The following RSPO2 variants were observed in gnomAD, a reference collection of about 807,000 sequenced individuals.
RSPO2 encodes the protein R-spondin 2.
RSPO2 carries 14 observed loss-of-function variants against 30.9 expected under a neutral mutation model. The ratio of observed to expected loss-of-function variants is 0.45; its 90% CI spans 0.30 to 0.71. RSPO2 has a LOEUF of 0.71. Ranked by LOEUF, RSPO2 falls within the 30% of genes least tolerant of loss-of-function variation. RSPO2 has a pLI of 0.08. For synonymous variants in RSPO2, 107 were observed against 96.4 expected, an observed-to-expected ratio of 1.11 and a Z score of -0.64; for missense variants, 264 against 301.9, an observed-to-expected ratio of 0.87 and a Z score of 0.93.
At chr8:108,027,688 G>A (rs1283174227) in intron 2 of RSPO2, among the ~76,000 whole-genome samples, 1 of 152,020 alleles carries the variant, frequency 6.6e-6, no homozygotes, top group African/African-American at 2.4e-5. Flanking sequence ...CTTTTTCAGA[G>A]CCTGATGGGA....
intron 2 of RSPO2, among the ~76,000 whole-genome samples, chr8:108,008,224 A>C (rs553884541): frequency 3.3e-5 from 5 of 152,326 alleles, no homozygotes; most frequent in South Asian, 2.1e-4. Context: ...TCCCTCTAGA[A>C]AAATTTTAAT....
chr8:108,031,288 A>AGAGATTAGT (rs1402356951), intron 2 of RSPO2, among the ~76,000 whole-genome samples: 1 of 152,240 alleles, frequency 6.6e-6, no homozygotes, highest in African/African-American at 2.4e-5. Flanking sequence ...GATCACCATT[A>AGAGATTAGT]CACGGTGCAG....
intron 2 of RSPO2, among the ~76,000 whole-genome samples, chr8:108,047,168 G>A (rs1161949117): frequency 6.6e-6 from 1 of 152,132 alleles, no homozygotes; most frequent in Non-Finnish European, 1.5e-5. Context: ...TCACCTTCCT[G>A]CTCTTCATTA....
intron 5 of RSPO2, among the ~76,000 whole-genome samples, chr8:107,937,596 T>C (rs1812760403): frequency 7.1e-6 from 1 of 141,686 alleles, no homozygotes; most frequent in African/African-American, 2.5e-5. Context: ...TTTGCTATTA[T>C]ACCTTCCATC....
intron 3 of RSPO2, among the ~76,000 whole-genome samples, chr8:107,985,360 TA>T (rs1442182595): frequency 2.0e-5 from 3 of 152,186 alleles, no homozygotes; most frequent in African/African-American, 7.2e-5. Context: ...TATATAAGGA[TA>T]TTTTTCATAG....
rs184203952 is a variant in RSPO2 at position 107,972,073 on chromosome 8, A to G, written c.284-11256T>C. Among the ~76,000 whole-genome samples the G allele has an allele frequency of 2.7e-3, 406 of 152,292 alleles. 2 individuals are homozygous for G. Among genetic ancestry groups the G allele is most frequent in the African/African-American group, 9.0e-3 (373 of 41,564 alleles). On this transcript the variant is annotated intron_variant, in intron 3 of 5. Transcript: ENST00000276659. ...TTAGATCTCAGCATGGGGGCCTGAC[A>G]TGACAGATGATGATAGATGTATCTG...
intron 5 of RSPO2, among the ~76,000 whole-genome samples, chr8:107,932,046 C>A (rs1443963465): frequency 6.6e-6 from 1 of 152,036 alleles, no homozygotes; most frequent in Non-Finnish European, 1.5e-5. Flanking sequence ...TGCTTAAGAT[C>A]TTGGCAACAT....
intron 5 of RSPO2, among the ~76,000 whole-genome samples, chr8:107,920,011 G>A (rs1812102058): frequency 6.6e-6 from 1 of 152,066 alleles, no homozygotes; most frequent in Admixed American, 6.6e-5. Context: ...GTGAAATAAA[G>A]TCTATTAGCT....
rs1024403778 is a variant in RSPO2, at chr8:108,042,883, G to A, written c.94+39662C>T. Among the ~76,000 whole-genome samples, 5 of 152,044 alleles carry A rather than the reference G, an allele frequency of 3.3e-5. No individual in the cohort carries two copies. In the East Asian group the frequency reaches 9.7e-4, roughly 29 times the overall value. On this transcript the variant is annotated intron_variant, in intron 2 of 5. Transcript: ENST00000276659. ...TCCTTCCTTCACATGATAGCTGTAA[G>A]AGCTTCTCACCTCACATCTTTGCTC...
At chr8:107,909,521 T>C (rs1365643795) in intron 5 of RSPO2, among the ~76,000 whole-genome samples, 1 of 152,086 alleles carries the variant, frequency 6.6e-6, no homozygotes, top group African/African-American at 2.4e-5. Context: ...GGGATTACAG[T>C]ACAGGCATGA....
rs553809771 is a variant in RSPO2, at chr8:108,018,369, A to G, written c.95-29125T>C. On this transcript the variant is annotated intron_variant, in intron 2 of 5. Transcript: ENST00000276659. ...ATAAATCCTTCTCACACTGTAGTAT[A>G]TTAACCAATATTTCCCAAACCTTCC... is the stretch of plus-strand genomic sequence containing the variant. Among the ~76,000 whole-genome samples, 4 of 152,328 alleles carry G rather than the reference A, an allele frequency of 2.6e-5. No homozygotes were observed. In the South Asian group the frequency reaches 8.3e-4, roughly 32 times the overall value.
chr8:107,899,748 C>T lies in RSPO2; in HGVS notation c.*1327G>A, dbSNP rs1020816657. 7.2e-5 allele frequency: 11 copies of T among 152,188 alleles called. No individual in the cohort carries two copies. Among genetic ancestry groups the T allele is most frequent in the African/African-American group, 2.7e-4 (11 of 41,436 alleles). 9.4% of individuals were successfully genotyped at this position (152,188 alleles called of 1,614,324 possible). On this transcript the variant is annotated 3_prime_UTR_variant, in exon 6 of 6. Transcript: ENST00000276659. Reference sequence around the variant, plus strand: ...GCTTTGTGAAAAAGCCAATTCACAACCTTCTAAAAACTGGTTCCCCTAAAA... The same window carrying T: ...GCTTTGTGAAAAAGCCAATTCACAATCTTCTAAAAACTGGTTCCCCTAAAA...
intron 3 of RSPO2, among the ~76,000 whole-genome samples, chr8:107,969,915 C>A (rs1813937742): frequency 6.6e-6 from 1 of 152,092 alleles, no homozygotes; most frequent in African/African-American, 2.4e-5. Flanking sequence ...CAGCTTCAGA[C>A]CTGCATCTTA....
chr8:108,060,039 A>G (rs1238744601), intron 2 of RSPO2, among the ~76,000 whole-genome samples: 2 of 151,794 alleles, frequency 1.3e-5, no homozygotes, highest in Non-Finnish European at 2.9e-5. Flanking sequence ...GAGTACTACA[A>G]TACCAGGGGG....
At chr8:107,961,206 T>C (rs1813616705) in intron 3 of RSPO2, among the ~76,000 whole-genome samples, 1 of 152,166 alleles carries the variant, frequency 6.6e-6, no homozygotes, top group Admixed American at 6.5e-5. Flanking sequence ...CTGTAATAAG[T>C]GTTTGTGTAT....
At chr8:108,010,836 A>G (rs547565945) in intron 2 of RSPO2, among the ~76,000 whole-genome samples, 1 of 152,216 alleles carries the variant, frequency 6.6e-6, no homozygotes, top group Admixed American at 6.5e-5. Flanking sequence ...ACATTCATTA[A>G]CAAGACACAA....
intron 3 of RSPO2, among the ~76,000 whole-genome samples, chr8:107,985,737 G>T (rs1814600844): frequency 6.6e-6 from 1 of 152,088 alleles, no homozygotes. Flanking sequence ...TAATGAATGA[G>T]AAAAAATATG....
At chr8:107,940,382 G>A (rs1486202225) in intron 5 of RSPO2, among the ~76,000 whole-genome samples, 2 of 152,032 alleles carry the variant, frequency 1.3e-5, no homozygotes, top group Non-Finnish European at 2.9e-5. Context: ...TCAACCCCTT[G>A]AGACATACCC....
At chr8:108,040,550 C>G (rs896755164) in intron 2 of RSPO2, among the ~76,000 whole-genome samples, 2 of 152,104 alleles carry the variant, frequency 1.3e-5, no homozygotes, top group Non-Finnish European at 1.5e-5. Context: ...GGGTCCAGAC[C>G]AGGCAGAACA....
Sources: gnomAD v4.1 joint callset for allele counts (sites outside exome capture counted in the v4.1 genomes callset) on GRCh38, gnomAD v4.1.1 for gene constraint, MANE v1.5 for transcripts, NCBI Gene and HGNC (gene_info 2026-07-23, HGNC 2026-07-21) for gene names.